SLC10A2: variants seen among roughly 807,000 people sequenced by gnomAD.
SLC10A2 encodes the protein ileal sodium/bile acid cotransporter.
SLC10A2 carries 34 observed loss-of-function variants against 27.1 expected under a neutral mutation model. The observed-to-expected ratio is 1.26, with a 90% CI of 0.96 to 1.67. SLC10A2 has a LOEUF of 1.67. SLC10A2 is among the 40% of genes most tolerant of loss of function. The probability of loss-of-function intolerance (pLI) is 0.00; values close to 1 mark genes in which losing one functional copy is unlikely to be tolerated. For synonymous variants in SLC10A2, 205 were observed against 174.0 expected, an observed-to-expected ratio of 1.18 and a Z score of -1.40; for missense variants, 530 against 444.4, an observed-to-expected ratio of 1.19 and a Z score of -1.73.
In SLC10A2 at chr13:103,054,076, G is replaced by T. The variant is rs979198620; in HGVS notation, c.497-1368C>A. Reference sequence around the variant, plus strand: ...GTTGGAGGATTACAACTAAAGGACGGGTCTGTTGGAGGAGGGGCCTGGTGG... The same window carrying T: ...GTTGGAGGATTACAACTAAAGGACGTGTCTGTTGGAGGAGGGGCCTGGTGG... On this transcript the variant is annotated intron_variant, in intron 2 of 5. Transcript: ENST00000245312. Among the ~76,000 whole-genome samples the T allele has an allele frequency of 9.9e-5, 15 of 150,866 alleles. 1 individual carries two copies. The highest frequency in any genetic ancestry group is 1.6e-4 in the Non-Finnish European group (11 of 67,884).
chr13:103,045,835 G>A lies in SLC10A2; in HGVS notation c.*298C>T. 1 of 228,786 alleles carries A rather than the reference G, an allele frequency of 4.4e-6. No homozygotes were observed. The allele number at this position is 228,786 out of a possible 1,614,324, so 14.2% of individuals were successfully genotyped here. On this transcript the variant is annotated 3_prime_UTR_variant, in exon 6 of 6. Transcript: ENST00000245312. ...GGTGTTAAAGATGTTTTCATTCTCGGTGTTCCCTATGTCAGGTTTAGTCTG... is the reference window on the plus strand; with the variant it reads ...GGTGTTAAAGATGTTTTCATTCTCGATGTTCCCTATGTCAGGTTTAGTCTG...
chr13:103,054,087 G>A (rs924926547), intron 2 of SLC10A2, among the ~76,000 whole-genome samples: 19 of 145,158 alleles, frequency 1.3e-4, no homozygotes, highest in Admixed American at 1.3e-3. Flanking sequence ...GTCTGTTGGA[G>A]GAGGGGCCTG....
Position 103,066,375 on chromosome 13 carries a change from A to G in SLC10A2, c.-126T>C. 9.8e-7 allele frequency: 1 copy of G among 1,025,572 alleles called. No homozygotes were observed. The highest frequency in any genetic ancestry group is 1.4e-6 in the Non-Finnish European group (1 of 729,366). The allele number at this position is 1,025,572 out of a possible 1,614,324, so 63.5% of individuals were successfully genotyped here. A position where few individuals can be genotyped will look rare whatever the true frequency, so the allele number is the denominator to read the frequency against. On this transcript the variant is annotated 5_prime_UTR_variant, in exon 1 of 6. Coordinates refer to ENST00000245312, the MANE Select transcript of SLC10A2 (RefSeq NM_000452.3). ...TCAAACTTTTAAACCCCTCCTAAAA[A>G]TATGTCACTTGGTGTCTCTTTTGAA... is the stretch of plus-strand genomic sequence containing the variant.
At chr13:103,062,803 G>A (rs776723759) in intron 1 of SLC10A2, among the ~76,000 whole-genome samples, 23 of 152,290 alleles carry the variant, frequency 1.5e-4, no homozygotes, top group Admixed American at 6.5e-4. Flanking sequence ...AAAGTAGGTG[G>A]CAGGGAAGGA....
intron 3 of SLC10A2, 117 bp from the exon 4 acceptor site, chr13:103,051,549 T>C: frequency 8.7e-7 from 1 of 1,153,362 alleles, no homozygotes; most frequent in Non-Finnish European, 1.3e-6. Flanking sequence ...GATGATAAAG[T>C]TGTCTTTCTA....
chr13:103,053,297 TA>T (rs1875843648), intron 2 of SLC10A2, among the ~76,000 whole-genome samples: 1 of 152,228 alleles, frequency 6.6e-6, no homozygotes, highest in Admixed American at 6.5e-5. Flanking sequence ...TATTCAAATT[TA>T]CAGCAGAGAG....
At chr13:103,047,109 AAATGGCCAT>A (rs1875637147) in intron 5 of SLC10A2, among the ~76,000 whole-genome samples, 1 of 152,204 alleles carries the variant, frequency 6.6e-6, no homozygotes, top group Non-Finnish European at 1.5e-5. Context: ...CTCACATATA[AAATGGCCAT>A]AATAATATTA....
intron 5 of SLC10A2, among the ~76,000 whole-genome samples, chr13:103,048,668 G>A (rs1043626868): frequency 9.9e-5 from 15 of 152,116 alleles, no homozygotes; most frequent in Non-Finnish European, 2.2e-4. Context: ...CTAGGTGAAG[G>A]CCAGTGGGCG....
At chr13:103,053,856 GA>G (rs11408919) in intron 2 of SLC10A2, among the ~76,000 whole-genome samples, 7 of 150,542 alleles carry the variant, frequency 4.6e-5, no homozygotes, top group Admixed American at 2.6e-4. Flanking sequence ...CTAAGAGTAG[GA>G]AAAAAAAAGA....
intron 1 of SLC10A2, 109 bp downstream of exon 1, chr13:103,065,764 A>T: frequency 8.1e-7 from 1 of 1,232,008 alleles, no homozygotes; most frequent in Non-Finnish European, 1.2e-6. Context: ...TTGATTCCTT[A>T]GTCATACTTT....
intron 1 of SLC10A2, among the ~76,000 whole-genome samples, chr13:103,058,641 G>C (rs1394048892): frequency 2.0e-5 from 3 of 152,044 alleles, no homozygotes; most frequent in South Asian, 2.1e-4. Context: ...CCCAGTGTCT[G>C]TGTTCCCCTC....
At chr13:103,047,060 C>T (rs952283237) in intron 5 of SLC10A2, among the ~76,000 whole-genome samples, 5 of 152,142 alleles carry the variant, frequency 3.3e-5, no homozygotes, top group Admixed American at 2.6e-4. Context: ...AAGAGGAGGA[C>T]AGAAAATACT....
In SLC10A2 at chr13:103,065,781, G is replaced by C. The variant is rs1046204467; in HGVS notation, c.377+92C>G. 7.7e-6 allele frequency: 11 copies of C among 1,434,192 alleles called. No homozygotes were observed. The Admixed American group carries it at 8.4e-5, about 11-fold the overall frequency. 88.8% of individuals were successfully genotyped at this position (1,434,192 alleles called of 1,614,324 possible). ...GATTCCTTAGTCATACTTTAGATGC[G>C]TGGCAAATCAGTTGGACATTCAGAA... On this transcript the variant is annotated intron_variant, in intron 1 of 5. Transcript: ENST00000245312.
At chr13:103,046,702 C>A (rs1290555254) in intron 5 of SLC10A2, among the ~76,000 whole-genome samples, 2 of 152,188 alleles carry the variant, frequency 1.3e-5, no homozygotes, top group Admixed American at 1.3e-4. Flanking sequence ...TCCCTCCCTG[C>A]CTTCATTCAA....
chr13:103,055,192 C>T (rs760314823), intron 2 of SLC10A2, among the ~76,000 whole-genome samples: 1 of 152,136 alleles, frequency 6.6e-6, no homozygotes, highest in Non-Finnish European at 1.5e-5. Context: ...TTATGTCTGC[C>T]TTACAGTGCT....
Position 103,053,081 on chromosome 13 carries a change from G to GGTGTGTGT in SLC10A2, c.497-381_497-374dup, listed in dbSNP as rs143709540. Among the ~76,000 whole-genome samples, 935 of 145,142 alleles carry GGTGTGTGT rather than the reference G, an allele frequency of 6.4e-3. 21 individuals are homozygous for GGTGTGTGT. The highest frequency in any genetic ancestry group is 0.042 in the Admixed American group (614 of 14,476). On this transcript the variant is annotated intron_variant, in intron 2 of 5. Transcript: ENST00000245312. ...ATCTCTAGGAAAAATAGCTCACCAA[G>GGTGTGTGT]GTGTGTGTGTGTGTGTGTGTGTGTG...
intron 5 of SLC10A2, among the ~76,000 whole-genome samples, chr13:103,048,252 A>T (rs149455): frequency 4.6e-5 from 7 of 151,956 alleles, no homozygotes; most frequent in Non-Finnish European, 1.0e-4. Flanking sequence ...TTAGCCTGTC[A>T]TGGTGGCGGG....
chr13:103,051,894 C>T (rs1003717016), intron 3 of SLC10A2, among the ~76,000 whole-genome samples: 2 of 152,136 alleles, frequency 1.3e-5, no homozygotes, highest in African/African-American at 4.8e-5. Context: ...GGGTATAGAA[C>T]TCTATACAAC....
At chr13:103,048,802 G>A (rs1171660521) in intron 5 of SLC10A2, among the ~76,000 whole-genome samples, 1 of 152,078 alleles carries the variant, frequency 6.6e-6, no homozygotes, top group African/African-American at 2.4e-5. Context: ...AATTATATGG[G>A]TATTTAAAAT....
Sources: allele counts gnomAD v4.1 joint callset (sites outside exome capture counted in the v4.1 genomes callset), GRCh38; gene constraint gnomAD v4.1.1; transcripts MANE v1.5; gene names NCBI Gene and HGNC (gene_info 2026-07-23, HGNC 2026-07-21).